Variants in FBXW8 observed in about 807,000 individuals in gnomAD.
The protein encoded by FBXW8 is F-box and WD repeat domain containing 8.
FBXW8 carries 57 observed loss-of-function variants against 65.3 expected under a neutral mutation model. That is an observed-to-expected ratio of 0.87 (90% CI 0.71 to 1.09). FBXW8 has a LOEUF of 1.09. Ranked by LOEUF, FBXW8 falls within the 50% of genes least tolerant of loss-of-function variation. FBXW8 has a pLI of 0.00. For synonymous variants in FBXW8, 308 were observed against 330.2 expected (o/e 0.93, Z 0.73); for missense variants, 777 against 814.8 (o/e 0.95, Z 0.57).
intron 8 of FBXW8, 149 bp from the exon 9 acceptor site, chr12:117,023,998 T>G (rs533993797): frequency 1.3e-6 from 1 of 749,042 alleles, no homozygotes; most frequent in Admixed American, 2.8e-5. Context: ...AGTCTGTGCT[T>G]GATGTCCTTA....
intron 1 of FBXW8, among the ~76,000 whole-genome samples, chr12:116,927,339 C>T (rs1160186416): frequency 5.3e-5 from 8 of 152,254 alleles, no homozygotes; most frequent in Admixed American, 1.3e-4. Context: ...TAAATGACAC[C>T]GAAGAAGAAC....
intron 2 of FBXW8, among the ~76,000 whole-genome samples, chr12:116,940,486 T>C (rs1213271658): frequency 8.8e-6 from 1 of 113,016 alleles, no homozygotes; most frequent in Non-Finnish European, 2.1e-5. Context: ...GGTGGAAGGA[T>C]GGTGGGCTTT....
At chr12:117,013,242 CTCAAAAAATAAAGAAAAACT>C in intron 8 of FBXW8, among the ~76,000 whole-genome samples, 3 of 141,386 alleles carry the variant, frequency 2.1e-5, no homozygotes, top group Non-Finnish European at 4.5e-5. Context: ...ACTCCATCAT[CTCAAAAAATAAAGAAAAACT>C]AAAAAATAAA....
intron 7 of FBXW8, among the ~76,000 whole-genome samples, chr12:116,994,357 A>C (rs1953325244): frequency 6.6e-6 from 1 of 152,256 alleles, no homozygotes; most frequent in Non-Finnish European, 1.5e-5. Context: ...CCAATGGAAC[A>C]GAAAAGAGAA....
At chr12:116,930,797 G>A (rs992975976) in intron 2 of FBXW8, among the ~76,000 whole-genome samples, 1 of 151,864 alleles carries the variant, frequency 6.6e-6, no homozygotes, top group East Asian at 1.9e-4. Flanking sequence ...ATTTTAATCC[G>A]TTTTGAACTT....
At chr12:117,009,712 G>A (rs113644806) in intron 7 of FBXW8, among the ~76,000 whole-genome samples, 1 of 152,258 alleles carries the variant, frequency 6.6e-6, no homozygotes, top group South Asian at 2.1e-4. Flanking sequence ...GAAATCAGGG[G>A]TACCTTCTTA....
intron 2 of FBXW8, 54 bp from the exon 3 acceptor site, chr12:116,945,310 A>G: frequency 1.3e-6 from 2 of 1,568,532 alleles, no homozygotes; most frequent in Non-Finnish European, 1.7e-6. Context: ...TTTGGATGAC[A>G]AGGGGCTTCT....
At chr12:116,982,788 G>A (rs1313615904) in intron 5 of FBXW8, among the ~76,000 whole-genome samples, 1 of 152,202 alleles carries the variant, frequency 6.6e-6, no homozygotes, top group Non-Finnish European at 1.5e-5. Context: ...TAAACTCCAT[G>A]TGTGCTTAGA....
intron 4 of FBXW8, among the ~76,000 whole-genome samples, chr12:116,956,066 A>T (rs1883622242): frequency 6.6e-6 from 1 of 152,212 alleles, no homozygotes; most frequent in East Asian, 1.9e-4. Context: ...TTGGCATAAG[A>T]AAACACACTT....
chr12:116,960,615 AT>A (rs1883922601), intron 4 of FBXW8, among the ~76,000 whole-genome samples: 1 of 152,184 alleles, frequency 6.6e-6, no homozygotes, highest in Admixed American at 6.5e-5. Flanking sequence ...CAGTGTGTAC[AT>A]TCTGGGTGTT....
chr12:116,993,344 T>G (rs1227658621), intron 7 of FBXW8, among the ~76,000 whole-genome samples: 2 of 152,084 alleles, frequency 1.3e-5, no homozygotes, highest in African/African-American at 4.8e-5. Flanking sequence ...CCTCGTGATC[T>G]GCCTGCCTTG....
intron 7 of FBXW8, 104 bp downstream of exon 7, chr12:116,988,973 A>T: frequency 9.4e-7 from 1 of 1,065,476 alleles, no homozygotes; most frequent in Non-Finnish European, 1.4e-6. Flanking sequence ...CAGATATATC[A>T]GGCCAGTATA....
chr12:116,934,496 CAAT>C (rs1276339523), intron 2 of FBXW8, among the ~76,000 whole-genome samples: 2 of 152,096 alleles, frequency 1.3e-5, no homozygotes, highest in African/African-American at 2.4e-5. Flanking sequence ...TAGTCGATAA[CAAT>C]GATACAGTTG....
Position 117,029,320 on chromosome 12 carries a change from G to A in FBXW8, c.*1148G>A, listed in dbSNP as rs1051879. ...TAGGAATTGACTCCAATGCAGAATAGTGAGAAATCAACAAAAAGCAAAATA... is the reference window on the plus strand; with the variant it reads ...TAGGAATTGACTCCAATGCAGAATAATGAGAAATCAACAAAAAGCAAAATA... On this transcript the variant is annotated 3_prime_UTR_variant, in exon 11 of 11. Coordinates refer to ENST00000652555, the MANE Select transcript of FBXW8 (RefSeq NM_153348.3). 7,146 of 152,286 alleles carry A rather than the reference G, an allele frequency of 0.047. 408 individuals carry two copies. Among genetic ancestry groups the A allele is most frequent in the African/African-American group, 0.13 (5,570 of 41,520 alleles). 9.4% of individuals were successfully genotyped at this position (152,286 alleles called of 1,614,324 possible).
rs557784483 is a variant in FBXW8 at position 117,004,042 on chromosome 12, A to G, written c.1240-6281A>G. 1.1e-4 allele frequency among the ~76,000 whole-genome samples: 17 copies of G among 152,320 alleles called. 1 individual carries two copies. In the South Asian group the frequency reaches 3.5e-3, roughly 32 times the overall value. On this transcript the variant is annotated intron_variant, in intron 7 of 10. Coordinates refer to ENST00000652555, the MANE Select transcript of FBXW8 (RefSeq NM_153348.3). Reference sequence around the variant, plus strand: ...TGCGTGGAGCTCAGGGGAGGTGTGCATGAAGGCAGCTTCTCCCCTCCTCCG... The same window carrying G: ...TGCGTGGAGCTCAGGGGAGGTGTGCGTGAAGGCAGCTTCTCCCCTCCTCCG...
At chr12:116,954,423 T>G (rs1041535702) in intron 4 of FBXW8, among the ~76,000 whole-genome samples, 1 of 152,216 alleles carries the variant, frequency 6.6e-6, no homozygotes, top group Non-Finnish European at 1.5e-5. Context: ...TACCCCAATT[T>G]CCCTATTTAT....
chr12:117,027,363 C>G, intron 9 of FBXW8, 31 bp from the exon 10 acceptor site: 1 of 1,576,766 alleles, frequency 6.3e-7, no homozygotes, highest in Non-Finnish European at 8.7e-7. Flanking sequence ...AGTGGACGCC[C>G]CCTTACGAGC....
At chr12:116,964,546 T>C in intron 4 of FBXW8, 151 bp from the exon 5 acceptor site, 2 of 755,936 alleles carry the variant, frequency 2.6e-6, no homozygotes, top group Non-Finnish European at 4.4e-6. Flanking sequence ...CATTTTCTCC[T>C]GTTGGAGTCA....
chr12:116,921,718 CT>C (rs1264079815), intron 1 of FBXW8, among the ~76,000 whole-genome samples: 4 of 151,196 alleles, frequency 2.6e-5, no homozygotes, highest in Non-Finnish European at 5.9e-5. Context: ...CATGTGCTCA[CT>C]GTAGAAATAT....
Sources: gnomAD v4.1 joint callset for allele counts (sites outside exome capture counted in the v4.1 genomes callset) on GRCh38, gnomAD v4.1.1 for gene constraint, MANE v1.5 for transcripts, NCBI Gene and HGNC (gene_info 2026-07-23, HGNC 2026-07-21) for gene names.